SPINK13: variants seen among roughly 807,000 people sequenced by gnomAD.
SPINK13 encodes the protein serine protease inhibitor Kazal-type 13.
In SPINK13, 11 loss-of-function variants were observed where a neutral mutation model predicts 11.0. The ratio of observed to expected loss-of-function variants is 1.00; its 90% confidence interval spans 0.63 to 1.65. The LOEUF (loss-of-function observed/expected upper bound fraction) is 1.65. Among genes scored for constraint, SPINK13 ranks in the 40% most tolerant of loss-of-function variants. SPINK13 has a pLI of 0.00. For missense variants in SPINK13, 113 were observed against 117.7 expected (o/e 0.96, Z 0.19); for synonymous variants, 31 against 35.6 (o/e 0.87, Z 0.46).
At chr5:148,273,165 T>C (rs1756374718) in intron 2 of SPINK13, among the ~76,000 whole-genome samples, 1 of 152,152 alleles carries the variant, frequency 6.6e-6, no homozygotes, top group South Asian at 2.1e-4. Context: ...TGTCTGCTCT[T>C]CAGTTAGGTT....
At chr5:148,279,078 A>AT (rs1357950369) in intron 3 of SPINK13, among the ~76,000 whole-genome samples, 1 of 135,478 alleles carries the variant, frequency 7.4e-6, no homozygotes, top group Non-Finnish European at 1.6e-5. Context: ...AGAGACTAGA[A>AT]TTGCAACCCC....
chr5:148,279,000 C>G (rs1381182583), intron 3 of SPINK13, among the ~76,000 whole-genome samples: 4 of 151,784 alleles, frequency 2.6e-5, no homozygotes, highest in Non-Finnish European at 4.4e-5. Flanking sequence ...TTGTATTGAT[C>G]CCTTTACCAT....
chr5:148,276,992 A>C (rs1180450129), intron 3 of SPINK13, among the ~76,000 whole-genome samples: 2 of 152,114 alleles, frequency 1.3e-5, no homozygotes, highest in African/African-American at 2.4e-5. Flanking sequence ...GGTCCTTCAC[A>C]TCCCTTGTAA....
intron 2 of SPINK13, among the ~76,000 whole-genome samples, 163 bp downstream of exon 2, chr5:148,270,305 C>A (rs1756332083): frequency 6.6e-6 from 1 of 152,088 alleles, no homozygotes; most frequent in Admixed American, 6.5e-5. Flanking sequence ...AATAGAAAAA[C>A]CAGACTTGTT....
At chr5:148,273,876 C>T (rs934745274) in intron 2 of SPINK13, among the ~76,000 whole-genome samples, 6 of 152,234 alleles carry the variant, frequency 3.9e-5, no homozygotes, top group Admixed American at 6.5e-5. Context: ...CCCATAAAGT[C>T]AGTATCCTGA....
chr5:148,275,300 C>A (rs1397547298), intron 3 of SPINK13, among the ~76,000 whole-genome samples: 1 of 152,166 alleles, frequency 6.6e-6, no homozygotes, highest in Non-Finnish European at 1.5e-5. Context: ...CATGTCCCTG[C>A]AAAGGACATG....
chr5:148,279,906 C>T (rs1377510428), intron 3 of SPINK13, among the ~76,000 whole-genome samples: 2 of 152,180 alleles, frequency 1.3e-5, no homozygotes, highest in African/African-American at 2.4e-5. Context: ...CTCCCCATCA[C>T]TTTCAAGTAT....
At chr5:148,269,307 A>G (rs1183525952) in intron 1 of SPINK13, among the ~76,000 whole-genome samples, 2 of 152,214 alleles carry the variant, frequency 1.3e-5, no homozygotes, top group Admixed American at 6.5e-5. Context: ...CAGAGACATT[A>G]AACCAAGAAT....
chr5:148,274,267 A>G (rs1756392053), intron 2 of SPINK13, 80 bp from the exon 3 acceptor site: 4 of 929,408 alleles, frequency 4.3e-6, no homozygotes, highest in Non-Finnish European at 3.3e-6. Context: ...ACATTATTCA[A>G]TCAGTGACTT....
chr5:148,277,060 T>A (rs1756441445), intron 3 of SPINK13, among the ~76,000 whole-genome samples: 2 of 152,232 alleles, frequency 1.3e-5, no homozygotes, highest in African/African-American at 4.8e-5. Context: ...AGTTCACTCA[T>A]GATTTGGCTC....
intron 3 of SPINK13, among the ~76,000 whole-genome samples, chr5:148,281,030 A>T (rs1756505205): frequency 6.6e-6 from 1 of 152,112 alleles, no homozygotes; most frequent in Non-Finnish European, 1.5e-5. Flanking sequence ...AGCTTTGCTG[A>T]GCTGCAGTGG....
At chr5:148,274,410 G>T (rs370122540) in intron 3 of SPINK13, 26 bp downstream of exon 3, 54 of 1,593,614 alleles carry the variant, frequency 3.4e-5, no homozygotes, top group East Asian at 2.0e-4. Context: ...TCAGTTCTAG[G>T]TTGTAATTCT....
chr5:148,283,198 C>G (rs1176230666), intron 4 of SPINK13, among the ~76,000 whole-genome samples: 1 of 152,144 alleles, frequency 6.6e-6, no homozygotes, highest in Non-Finnish European at 1.5e-5. Flanking sequence ...TGTTCAGACT[C>G]TTTAATGGGG....
intron 4 of SPINK13, among the ~76,000 whole-genome samples, chr5:148,285,293 T>C (rs554698026): frequency 9.2e-5 from 14 of 152,250 alleles, no homozygotes; most frequent in Non-Finnish European, 1.8e-4. Flanking sequence ...GTGCATTAGA[T>C]ATATATCAAA....
chr5:148,282,235 A>G lies in SPINK13; in HGVS notation c.236+4A>G. The G allele has an allele frequency of 6.2e-7, 1 of 1,613,888 alleles. No homozygotes were observed. The highest frequency in any genetic ancestry group is 8.5e-7 in the Non-Finnish European group (1 of 1,179,880). On this transcript the variant is annotated splice_donor_region_variant and intron_variant, in intron 4 of 4. Transcript: ENST00000398450. ...GTTTCTTTTGTGTTGAACAGAGGTAAGTTCAGAATAAAATGCCATTATTTT... is the reference window on the plus strand; with the variant it reads ...GTTTCTTTTGTGTTGAACAGAGGTAGGTTCAGAATAAAATGCCATTATTTT...
At chr5:148,279,091 C>CTTTT (rs746029113) in intron 3 of SPINK13, among the ~76,000 whole-genome samples, 67 of 51,672 alleles carry the variant, frequency 1.3e-3, no homozygotes, top group Middle Eastern at 0.018. Context: ...GCAACCCCTG[C>CTTTT]TTTTTTTTTT....
At position 148,273,252 on chromosome 5, in the gene SPINK13, A is replaced by G. The variant is rs1282271155; in HGVS notation, c.71-1095A>G. Among the ~76,000 whole-genome samples the G allele has an allele frequency of 3.3e-5, 5 of 151,796 alleles. No homozygotes were observed. In the East Asian group the frequency reaches 9.6e-4, roughly 29 times the overall value. On this transcript the variant is annotated intron_variant, in intron 2 of 4. Transcript: ENST00000398450. ...TTTATCAAAAATCTTTTTAGATTGT[A>G]TATGTTTATTTTTTGCCAGGAAGTT...
intron 2 of SPINK13, 104 bp from the exon 3 acceptor site, chr5:148,274,243 C>G: frequency 1.4e-6 from 1 of 690,100 alleles, no homozygotes; most frequent in Non-Finnish European, 2.4e-6. Flanking sequence ...TATATATTTT[C>G]ATTATTCAAT....
chr5:148,276,539 A>G (rs1182617200), intron 3 of SPINK13, among the ~76,000 whole-genome samples: 1 of 152,178 alleles, frequency 6.6e-6, no homozygotes, highest in African/African-American at 2.4e-5. Flanking sequence ...TCCCAACACC[A>G]TTTATTAAAT....
Sources: gnomAD v4.1 joint callset for allele counts (sites outside exome capture counted in the v4.1 genomes callset) on GRCh38, gnomAD v4.1.1 for gene constraint, MANE v1.5 for transcripts, NCBI Gene and HGNC (gene_info 2026-07-23, HGNC 2026-07-21) for gene names.